Variants in NUP210L observed in about 807,000 individuals in gnomAD.
NUP210L encodes nuclear pore membrane glycoprotein 210-like.
In NUP210L, 74 loss-of-function variants were observed where a neutral mutation model predicts 208.5. That is an observed-to-expected ratio of 0.35 (90% CI 0.29 to 0.43). The LOEUF (loss-of-function observed/expected upper bound fraction) is 0.43, where lower values mean the gene tolerates loss of function less well. NUP210L is among the 20% of genes least tolerant of loss of function. The pLI is 1.00. For synonymous variants in NUP210L, 780 were observed against 816.9 expected, an observed-to-expected ratio of 0.95 and a Z score of 0.77; for missense variants, 1,843 against 2,289.4, an observed-to-expected ratio of 0.81 and a Z score of 3.98.
exon 33 of NUP210L, chr1:154,019,001 C>T: frequency 6.2e-7 from 1 of 1,614,130 alleles, no homozygotes; most frequent in Non-Finnish European, 8.5e-7. Context: ...CTCCTGGCCA[C>T]TCCTACTCCA....
At chr1:154,154,773 G>T in intron 1 of NUP210L, 69 bp downstream of exon 1, 1 of 1,286,750 alleles carries the variant, frequency 7.8e-7, no homozygotes. Flanking sequence ...GGATCTTACA[G>T]AGGGAACCCC....
chr1:154,046,045 C>T, intron 27 of NUP210L, 24 bp downstream of exon 27: 1 of 1,602,384 alleles, frequency 6.2e-7, no homozygotes, highest in Non-Finnish European at 8.5e-7. Context: ...CCTAAGATAA[C>T]ACAATAAACA....
chr1:154,053,864 C>T (rs754929512), intron 25 of NUP210L, among the ~76,000 whole-genome samples: 2 of 152,158 alleles, frequency 1.3e-5, no homozygotes, highest in African/African-American at 2.4e-5. Flanking sequence ...TCTTTAATTC[C>T]TCTAGTGCTG....
At chr1:154,116,986 T>C (rs1368509231) in intron 12 of NUP210L, among the ~76,000 whole-genome samples, 2 of 152,214 alleles carry the variant, frequency 1.3e-5, no homozygotes, top group Non-Finnish European at 2.9e-5. Context: ...TCAGTGATCA[T>C]GTCTATAGTT....
At chr1:153,993,029 C>G in exon 39 of NUP210L, 1 of 1,613,532 alleles carries the variant, frequency 6.2e-7, no homozygotes, top group Non-Finnish European at 8.5e-7. Flanking sequence ...CTGTGGTGTT[C>G]CTAGAGTTGG....
intron 16 of NUP210L, among the ~76,000 whole-genome samples, chr1:154,084,143 A>G (rs548640970): frequency 1.4e-4 from 20 of 147,562 alleles, no homozygotes; most frequent in Admixed American, 7.6e-4. Flanking sequence ...TGGCTCAAGC[A>G]ATCCTCCCAC....
At chr1:154,015,746 CA>C (rs1281987731) in intron 33 of NUP210L, among the ~76,000 whole-genome samples, 6 of 150,228 alleles carry the variant, frequency 4.0e-5, no homozygotes, top group Non-Finnish European at 8.9e-5. Context: ...CACACACACA[CA>C]CACCCCACAG....
exon 23 of NUP210L, chr1:154,056,846 C>T (rs1355304010): frequency 6.3e-7 from 1 of 1,593,408 alleles, no homozygotes; most frequent in Non-Finnish European, 8.5e-7. Context: ...TGTGTATTTT[C>T]TTCCCATCTT....
chr1:154,000,992 G>A (rs2147887008), exon 37 of NUP210L: 9 of 1,614,156 alleles, frequency 5.6e-6, no homozygotes, highest in East Asian at 2.2e-5. Flanking sequence ...CAGAGTAAAT[G>A]GCCAGGCCAG....
chr1:154,012,396 G>T (rs903888987), intron 33 of NUP210L, 26 bp from the exon 34 acceptor site: 6 of 1,605,954 alleles, frequency 3.7e-6, no homozygotes, highest in Non-Finnish European at 3.4e-6. Context: ...AGGAAAATCT[G>T]CACCTAAGTT....
chr1:154,114,884 C>A (rs1158383814), intron 12 of NUP210L, among the ~76,000 whole-genome samples: 1 of 150,552 alleles, frequency 6.6e-6, no homozygotes, highest in Non-Finnish European at 1.5e-5. Flanking sequence ...ATGTGTAAGC[C>A]ACCACTCCCA....
intron 27 of NUP210L, among the ~76,000 whole-genome samples, chr1:154,032,316 C>T (rs941679111): frequency 1.3e-5 from 2 of 152,084 alleles, no homozygotes; most frequent in African/African-American, 4.8e-5. Flanking sequence ...TTTACATTCC[C>T]ATCAACAGTA....
At chr1:154,150,044 AT>A (rs1350100975) in intron 2 of NUP210L, among the ~76,000 whole-genome samples, 1 of 152,180 alleles carries the variant, frequency 6.6e-6, no homozygotes, top group East Asian at 1.9e-4. Flanking sequence ...CCTAGGCAAC[AT>A]GGCGAAACCC....
At chr1:154,068,986 TAAAAAA>T (rs997311026) in intron 17 of NUP210L, among the ~76,000 whole-genome samples, 1 of 151,700 alleles carries the variant, frequency 6.6e-6, no homozygotes, top group Non-Finnish European at 1.5e-5. Flanking sequence ...AATAATAAAA[TAAAAAA>T]AGAAAGAAAG....
chr1:154,144,918 G>A (rs1659042647), intron 2 of NUP210L, among the ~76,000 whole-genome samples: 1 of 152,082 alleles, frequency 6.6e-6, no homozygotes, highest in South Asian at 2.1e-4. Context: ...AGACTAGCCT[G>A]GCCAACATGG....
At chr1:154,044,407 CAA>C (rs577871170) in intron 27 of NUP210L, among the ~76,000 whole-genome samples, 11 of 131,934 alleles carry the variant, frequency 8.3e-5, no homozygotes, top group Admixed American at 7.6e-5. Flanking sequence ...AACTCTGTCT[CAA>C]AAAAAAAAAA....
chr1:154,071,627 C>CTTT (rs893742878), intron 16 of NUP210L, among the ~76,000 whole-genome samples: 29 of 99,798 alleles, frequency 2.9e-4, no homozygotes, highest in East Asian at 1.0e-3. Flanking sequence ...CAATTCATTC[C>CTTT]TTTTTTTTTT....
At position 154,110,282 on chromosome 1, in the gene NUP210L, AT is replaced by A. The variant is rs1414124275; in HGVS notation, c.1621-6073del. ...CTTGAAAAAAACAACCCAATGTTGT[AT>A]TTTTTTTTTTTGACAGTCTTGCTCT... On this transcript the variant is annotated intron_variant, in intron 12 of 39. Transcript: ENST00000368559. Among the ~76,000 whole-genome samples the A allele has an allele frequency of 9.7e-4, 138 of 142,048 alleles. 1 individual carries two copies. Among genetic ancestry groups the A allele is most frequent in the East Asian group, 1.4e-3 (7 of 4,894 alleles). The allele number at this position is 142,048 out of a possible 152,430, so 93.2% of individuals were successfully genotyped here.
chr1:153,997,095 C>T (rs1282150905), intron 37 of NUP210L, among the ~76,000 whole-genome samples: 1 of 151,998 alleles, frequency 6.6e-6, no homozygotes, highest in Non-Finnish European at 1.5e-5. Context: ...TCCTGCGTAA[C>T]TGGGATTACA....
Sources: gnomAD v4.1 joint callset for allele counts (sites outside exome capture counted in the v4.1 genomes callset) on GRCh38, gnomAD v4.1.1 for gene constraint, MANE v1.5 for transcripts, NCBI Gene and HGNC (gene_info 2026-07-23, HGNC 2026-07-21) for gene names.